Variants in FGF14 observed in about 807,000 individuals in gnomAD.
The protein encoded by FGF14 is fibroblast growth factor 14.
A neutral mutation model predicts 25.5 loss-of-function variants in FGF14; 5 were observed. That is an observed-to-expected ratio of 0.20 (90% confidence interval 0.10 to 0.41). The LOEUF (loss-of-function observed/expected upper bound fraction) is 0.41, where lower values mean the gene tolerates loss of function less well. Among genes scored for constraint, FGF14 ranks in the 10% least tolerant of loss-of-function variants. FGF14 has a pLI of 1.00. For synonymous variants in FGF14, 138 were observed against 118.3 expected (o/e 1.17, Z -1.08); for missense variants, 222 against 320.1 (o/e 0.69, Z 2.34).
intron 3 of FGF14, among the ~76,000 whole-genome samples, chr13:101,818,041 A>G (rs980100651): frequency 6.6e-6 from 1 of 152,196 alleles, no homozygotes; most frequent in African/African-American, 2.4e-5. Context: ...TATACATCTG[A>G]AACTGTATGC....
rs539935561 is a variant in FGF14, at chr13:101,830,062, G to T, written c.408+38663C>A. Among the ~76,000 whole-genome samples the T allele has an allele frequency of 7.9e-5, 12 of 152,178 alleles. No homozygotes were observed. The South Asian group carries it at 2.3e-3, about 29-fold the overall frequency. The stretch of plus-strand genomic sequence containing the variant: ...CCTTAGGCAGGCGACTGAATCTCCT[G>T]AAGTATTAGTTATCTTGCATGTAAA... On this transcript the variant is annotated intron_variant, in intron 3 of 4. Transcript: ENST00000376143.
At chr13:101,887,378 A>G (rs1371107457) in intron 1 of FGF14, among the ~76,000 whole-genome samples, 6 of 151,830 alleles carry the variant, frequency 4.0e-5, no homozygotes, top group South Asian at 4.1e-4. Context: ...ATGCACATAT[A>G]TAATGGAATT....
At chr13:102,252,475 C>T (rs190644027) in intron 1 of FGF14, among the ~76,000 whole-genome samples, 2 of 152,148 alleles carry the variant, frequency 1.3e-5, no homozygotes, top group Admixed American at 1.3e-4. Context: ...CCAGAGATGC[C>T]CAAATCTGCA....
At chr13:102,079,599 G>A (rs2043522042) in intron 1 of FGF14, among the ~76,000 whole-genome samples, 1 of 152,034 alleles carries the variant, frequency 6.6e-6, no homozygotes, top group South Asian at 2.1e-4. Flanking sequence ...TATTTATTAA[G>A]TGTCTTTTAT....
chr13:102,014,997 C>T (rs978582823), intron 1 of FGF14, among the ~76,000 whole-genome samples: 4 of 152,088 alleles, frequency 2.6e-5, no homozygotes, highest in African/African-American at 4.8e-5. Context: ...CTCAGCTCAC[C>T]GCTGAGTTCA....
intron 1 of FGF14, among the ~76,000 whole-genome samples, chr13:101,988,907 T>C (rs1320521931): frequency 1.3e-5 from 2 of 151,974 alleles, no homozygotes; most frequent in East Asian, 3.9e-4. Context: ...CTTTTATTTG[T>C]TTGTTTGTTT....
chr13:101,832,858 A>T (rs117205863), intron 3 of FGF14, among the ~76,000 whole-genome samples: 8 of 152,194 alleles, frequency 5.3e-5, no homozygotes, highest in African/African-American at 1.9e-4. Flanking sequence ...AAAAAGAAGC[A>T]ATTGAGTTAT....
intron 1 of FGF14, among the ~76,000 whole-genome samples, chr13:102,188,604 A>G (rs962617822): frequency 3.3e-5 from 5 of 152,088 alleles, no homozygotes; most frequent in African/African-American, 4.8e-5. Flanking sequence ...TTTTTATTAT[A>G]ATTACTACTT....
At chr13:102,078,428 C>T (rs2043463428) in intron 1 of FGF14, among the ~76,000 whole-genome samples, 1 of 149,968 alleles carries the variant, frequency 6.7e-6, no homozygotes, top group African/African-American at 2.5e-5. Flanking sequence ...ACAAGTCAAA[C>T]AATACACACA....
intron 1 of FGF14, among the ~76,000 whole-genome samples, chr13:101,885,415 C>A (rs912093752): frequency 3.3e-5 from 5 of 152,026 alleles, no homozygotes; most frequent in Non-Finnish European, 7.4e-5. Flanking sequence ...CCACTTTCCC[C>A]CGACTCTCCC....
At chr13:101,913,817 C>G (rs879688079) in intron 1 of FGF14, among the ~76,000 whole-genome samples, 1 of 152,074 alleles carries the variant, frequency 6.6e-6, no homozygotes, top group Non-Finnish European at 1.5e-5. Flanking sequence ...CCCCTCTCTC[C>G]TCCATAATTC....
chr13:101,898,373 CACAT>C (rs1247169754), intron 1 of FGF14, among the ~76,000 whole-genome samples: 8 of 151,432 alleles, frequency 5.3e-5, no homozygotes, highest in African/African-American at 2.0e-4. Flanking sequence ...CACACACACA[CACAT>C]ATCCCCAGAA....
chr13:102,004,464 A>G (rs2039673817), intron 1 of FGF14, among the ~76,000 whole-genome samples: 1 of 152,196 alleles, frequency 6.6e-6, no homozygotes, highest in African/African-American at 2.4e-5. Flanking sequence ...CAGCCAAAGT[A>G]TTCTCTGTAG....
At chr13:101,989,132 A>G (rs977707861) in intron 1 of FGF14, among the ~76,000 whole-genome samples, 2 of 152,076 alleles carry the variant, frequency 1.3e-5, no homozygotes, top group African/African-American at 4.8e-5. Flanking sequence ...TTCACTGAAG[A>G]TATACTTTTC....
At chr13:101,947,677 G>T (rs779361211) in intron 1 of FGF14, among the ~76,000 whole-genome samples, 1 of 152,146 alleles carries the variant, frequency 6.6e-6, no homozygotes, top group Non-Finnish European at 1.5e-5. Flanking sequence ...ACACAGTGGG[G>T]ACTACTAGAG....
chr13:102,201,010 G>T (rs1001260425), intron 1 of FGF14, among the ~76,000 whole-genome samples: 1 of 149,624 alleles, frequency 6.7e-6, no homozygotes, highest in Non-Finnish European at 1.5e-5. Flanking sequence ...GCTGAGGCAG[G>T]AGAATGGCGT....
chr13:102,233,016 T>C (rs1238179352), intron 1 of FGF14, among the ~76,000 whole-genome samples: 4 of 152,160 alleles, frequency 2.6e-5, no homozygotes, highest in African/African-American at 7.2e-5. Flanking sequence ...CTTCTTCCCC[T>C]GAGGTCTTGC....
At chr13:102,017,451 C>A (rs2040407082) in intron 1 of FGF14, among the ~76,000 whole-genome samples, 1 of 152,180 alleles carries the variant, frequency 6.6e-6, no homozygotes, top group Non-Finnish European at 1.5e-5. Flanking sequence ...TTACTGCTAG[C>A]ATCCAGTGTG....
chr13:102,055,538 G>A (rs555369531), intron 1 of FGF14, among the ~76,000 whole-genome samples: 1 of 152,278 alleles, frequency 6.6e-6, no homozygotes, highest in Non-Finnish European at 1.5e-5. Context: ...TCTTTACCCT[G>A]TTCTATTAAC....
Sources: gnomAD v4.1 joint callset for allele counts (sites outside exome capture counted in the v4.1 genomes callset) on GRCh38, gnomAD v4.1.1 for gene constraint, MANE v1.5 for transcripts, NCBI Gene and HGNC (gene_info 2026-07-23, HGNC 2026-07-21) for gene names.